The following RUVBL1 variants were observed in gnomAD, a reference collection of about 807,000 sequenced individuals.
RUVBL1 encodes ruvB-like 1.
Under a neutral mutation model 52.4 loss-of-function variants are expected in RUVBL1, and 4 were observed. That is an observed-to-expected ratio of 0.08 (90% CI 0.04 to 0.17). RUVBL1 has a LOEUF of 0.17. RUVBL1 is among the 10% of genes least tolerant of loss of function. The pLI is 1.00. For missense variants in RUVBL1, 298 were observed against 572.8 expected (o/e 0.52, Z 4.90); for synonymous variants, 217 against 214.4 (o/e 1.01, Z -0.10).
chr3:128,079,249 G>A (rs934438376), downstream of RUVBL1, among the ~76,000 whole-genome samples: 1 of 152,234 alleles, frequency 6.6e-6, no homozygotes, highest in Non-Finnish European at 1.5e-5. Flanking sequence ...TCACCTGGCT[G>A]GTACAAAGGT....
At chr3:128,149,663 G>A (rs190159606) in intron 1 of RUVBL1, among the ~76,000 whole-genome samples, 6 of 152,300 alleles carry the variant, frequency 3.9e-5, no homozygotes, top group African/African-American at 1.4e-4. Flanking sequence ...GGCCTGAAAC[G>A]CTTCCAGAGC....
chr3:128,080,530 T>C (rs1199043379), downstream of RUVBL1, among the ~76,000 whole-genome samples: 1 of 152,098 alleles, frequency 6.6e-6, no homozygotes, highest in Non-Finnish European at 1.5e-5. Context: ...GAACCACACA[T>C]GATACGATGT....
rs186427925 is a variant in RUVBL1, at chr3:128,137,571, C to T, written c.-40+15632G>A. ...AAAAAGTCTCCCAGCAAAGAAAGACCTGAGACCCAATGGCTTTAGTGCTGA... is the reference window on the plus strand; with the variant it reads ...AAAAAGTCTCCCAGCAAAGAAAGACTTGAGACCCAATGGCTTTAGTGCTGA... On this transcript the variant is annotated intron_variant, in intron 1 of 9. Transcript: ENST00000464873. Among the ~76,000 whole-genome samples, 281 of 152,236 alleles carry T rather than the reference C, an allele frequency of 1.8e-3. 2 individuals are homozygous for T. The highest frequency in any genetic ancestry group is 6.5e-3 in the African/African-American group (271 of 41,538).
Position 128,083,525 on chromosome 3 carries a change from G to T in RUVBL1, c.1120-951C>A, listed in dbSNP as rs1576440939. The T allele has an allele frequency of 2.0e-5, 3 of 152,270 alleles. No individual in the cohort carries two copies. In the East Asian group the frequency reaches 5.8e-4, roughly 29 times the overall value. 9.4% of individuals were successfully genotyped at this position (152,270 alleles called of 1,614,324 possible). ...CTCCAGGCTGGGACCCTGCGGGCAG[G>T]AGCTGCAGGGGGAGCCCAGTCTCTG... On this transcript the variant is annotated intron_variant, in intron 9 of 10. Transcript: ENST00000322623.
chr3:128,069,884 C>G (rs1942105191), intron 9 of RUVBL1: 1 of 544,528 alleles, frequency 1.8e-6, no homozygotes, highest in South Asian at 2.2e-5. Flanking sequence ...TTTTATTCAG[C>G]CGACTGCCAG....
chr3:128,113,058 T>C, intron 2 of RUVBL1, 38 bp from the exon 3 acceptor site: 1 of 1,607,034 alleles, frequency 6.2e-7, no homozygotes, highest in Non-Finnish European at 8.5e-7. Flanking sequence ...TTCACAGTCC[T>C]GAAAACATGA....
At chr3:128,150,857 T>TTC (rs1944185357) in intron 1 of RUVBL1, among the ~76,000 whole-genome samples, 1 of 81,436 alleles carries the variant, frequency 1.2e-5, no homozygotes, top group African/African-American at 5.2e-5. Context: ...ATTCTATATA[T>TTC]TATATATTAT....
chr3:128,101,663 GTAA>G lies in RUVBL1; in HGVS notation c.514-18_514-16del. The G allele has an allele frequency of 6.3e-7, 1 of 1,588,246 alleles. No individual in the cohort carries two copies. Among genetic ancestry groups the G allele is most frequent in the Non-Finnish European group, 8.6e-7 (1 of 1,158,354 alleles). On this transcript the variant is annotated splice_polypyrimidine_tract_variant and intron_variant, in intron 4 of 10. Coordinates refer to ENST00000322623, the MANE Select transcript of RUVBL1 (RefSeq NM_003707.3). Reference sequence around the variant, plus strand: ...CTGGGGTCCAGCTAAAAAAAAAAATGTAAATCAGAAGTGTAATACATATTCCAT... The same window carrying G: ...CTGGGGTCCAGCTAAAAAAAAAAATGATCAGAAGTGTAATACATATTCCAT...
At chr3:128,133,041 G>C (rs562867989) in intron 1 of RUVBL1, among the ~76,000 whole-genome samples, 2 of 152,282 alleles carry the variant, frequency 1.3e-5, no homozygotes, top group African/African-American at 4.8e-5. Context: ...AGGCCCAGCA[G>C]TATTCAACAC....
Position 128,067,603 on chromosome 3 carries a change from T to C in RUVBL1, c.940-2383A>G, listed in dbSNP as rs1942020698. ...CGTGGATTGAGGTCTCAGGTTCCTC[T>C]GCCAAAGATGTAAGTAGAAGCAAAA... On this transcript the variant is annotated intron_variant, in intron 9 of 9. Transcript: ENST00000464873. This position sits in a 1 kb window ranked among gnomAD's most constrained non-coding sequence, Gnocchi z 4.1. 6.2e-7 allele frequency: 1 copy of C among 1,610,472 alleles called. No homozygotes were observed. Among genetic ancestry groups the C allele is most frequent in the Non-Finnish European group, 8.5e-7 (1 of 1,178,032 alleles).
rs1457241211 is a variant in RUVBL1 at position 128,067,320 on chromosome 3, C to T, written c.940-2100G>A. The T allele has an allele frequency of 1.3e-5, 17 of 1,350,162 alleles. No homozygotes were observed. Among genetic ancestry groups the T allele is most frequent in the South Asian group, 2.7e-5 (2 of 73,470 alleles). The allele number at this position is 1,350,162 out of a possible 1,614,324, so 83.6% of individuals were successfully genotyped here. ...AGTAAAAAAATTGTACTGTGGGCAC[C>T]GAGTAAAATTGCATTCTTTCATCTG... On this transcript the variant is annotated intron_variant, in intron 9 of 9. Transcript: ENST00000464873. The surrounding 1 kb of genome is among the most constrained non-coding windows in gnomAD (Gnocchi z 4.1).
chr3:128,153,071 T>C, intron 1 of RUVBL1: 2 of 303,338 alleles, frequency 6.6e-6, no homozygotes, highest in Non-Finnish European at 9.3e-6. Flanking sequence ...CTCCCTGTGA[T>C]TGGCTTCTTT....
intron 9 of RUVBL1, among the ~76,000 whole-genome samples, chr3:128,075,543 C>T (rs534943235): frequency 7.7e-4 from 117 of 152,312 alleles, no homozygotes; most frequent in East Asian, 2.9e-3. Context: ...CACGGGGGGA[C>T]ACACGCCTTC....
chr3:128,105,052 T>C, intron 3 of RUVBL1, 128 bp from the exon 4 acceptor site: 2 of 965,758 alleles, frequency 2.1e-6, no homozygotes, highest in Non-Finnish European at 3.0e-6. Flanking sequence ...GGTGTCATGA[T>C]GGGTAAAAAG....
At chr3:128,149,248 G>A (rs1944149238) in intron 1 of RUVBL1, among the ~76,000 whole-genome samples, 2 of 148,724 alleles carry the variant, frequency 1.3e-5, no homozygotes, top group Non-Finnish European at 1.5e-5. Flanking sequence ...GCAGTGGTGC[G>A]ATCATGGCTC....
downstream of RUVBL1, among the ~76,000 whole-genome samples, chr3:128,078,401 C>T (rs1377871184): frequency 1.3e-5 from 2 of 152,294 alleles, no homozygotes; most frequent in Admixed American, 1.3e-4. Flanking sequence ...GTTTCCCTGC[C>T]AGGGCCAGGG....
chr3:128,087,968 A>G, intron 8 of RUVBL1, 160 bp from the exon 9 acceptor site: 1 of 549,176 alleles, frequency 1.8e-6, no homozygotes, highest in Admixed American at 3.2e-5. Flanking sequence ...TGGCATAAAA[A>G]CAACTTCAGG....
intron 1 of RUVBL1, among the ~76,000 whole-genome samples, chr3:128,129,722 A>T (rs773484820): frequency 6.6e-6 from 1 of 152,232 alleles, no homozygotes; most frequent in East Asian, 1.9e-4. Flanking sequence ...ACATGTTACA[A>T]TATAGATGAA....
intron 1 of RUVBL1, among the ~76,000 whole-genome samples, chr3:128,151,111 G>GTATATATTCTATATATATTCTA (rs1341020047): frequency 3.8e-5 from 4 of 106,508 alleles, no homozygotes; most frequent in East Asian, 2.5e-4. Context: ...TATATATTCT[G>GTATATATTCTATATATATTCTA]TATATATTCT....
Sources: gnomAD v4.1 joint callset for allele counts (sites outside exome capture counted in the v4.1 genomes callset) on GRCh38, gnomAD v4.1.1 for gene constraint, Gnocchi (gnomAD v3.1) non-coding constraint, MANE v1.5 for transcripts, NCBI Gene and HGNC (gene_info 2026-07-23, HGNC 2026-07-21) for gene names.